TNRC18: variants seen among roughly 807,000 people sequenced by gnomAD.
TNRC18 encodes trinucleotide repeat containing 18, also known as trinucleotide repeat-containing gene 18 protein.
Under a neutral mutation model 226.7 loss-of-function variants are expected in TNRC18, and 69 were observed. The ratio of observed to expected loss-of-function variants is 0.30; its 90% CI spans 0.25 to 0.37. TNRC18 has a LOEUF of 0.37. TNRC18 is among the 10% of genes least tolerant of loss of function. The pLI, the probability that TNRC18 is intolerant of heterozygous loss-of-function variation, is 1.00. For synonymous variants in TNRC18, 2,449 were observed against 1,927.6 expected, an observed-to-expected ratio of 1.27 and a Z score of -7.09; for missense variants, 4,754 against 4,256.6, an observed-to-expected ratio of 1.12 and a Z score of -3.25.
chr7:5,354,767 C>G (rs1191335950), intron 16 of TNRC18, among the ~76,000 whole-genome samples: 1 of 152,176 alleles, frequency 6.6e-6, no homozygotes, highest in East Asian at 1.9e-4. Context: ...AAACTAGCAG[C>G]TTAATTCCGT....
At chr7:5,414,799 A>T (rs1782071285) in intron 2 of TNRC18, among the ~76,000 whole-genome samples, 1 of 152,200 alleles carries the variant, frequency 6.6e-6, no homozygotes, top group African/African-American at 2.4e-5. Flanking sequence ...CCTAACAGTG[A>T]TCTGATACTA....
Position 5,394,590 on chromosome 7 carries a change from C to T in TNRC18, c.193G>A (p.Ala65Thr). 6 of 1,545,786 alleles carry T rather than the reference C, an allele frequency of 3.9e-6. No individual in the cohort carries two copies. Among genetic ancestry groups the T allele is most frequent in the Admixed American group, 2.0e-5 (1 of 48,948 alleles). ...GLNLHPHPGE[A>T]FLGSFVASGM... ...CTGGCCACAAAGCTGCCCAAGAAGG[C>T]CTCGCCTGCAGAGAGAAGTTGGGAG... Residue 65 changes from alanine to threonine, a missense_variant, in exon 3 of 30, where the codon GCC becomes ACC. Physicochemically the swap from Ala to Thr is moderately conservative, Grantham distance 58. Coordinates refer to ENST00000430969, the MANE Select transcript of TNRC18 (RefSeq NM_001080495.3). This position sits in a 1 kb window ranked among gnomAD's most constrained non-coding sequence, Gnocchi z 4.5.
chr7:5,392,963 G>A (rs1584046815), intron 3 of TNRC18, among the ~76,000 whole-genome samples: 1 of 152,116 alleles, frequency 6.6e-6, no homozygotes, highest in Non-Finnish European at 1.5e-5. Context: ...AGTGAGCTGA[G>A]ATTGCACCAC....
chr7:5,415,886 C>A (rs2128221946), intron 2 of TNRC18, among the ~76,000 whole-genome samples: 1 of 150,014 alleles, frequency 6.7e-6, no homozygotes, highest in East Asian at 2.0e-4. Context: ...GTGGGTGGAT[C>A]ACCTGAGGCC....
rs768337574 is a variant in TNRC18 at position 5,332,711 on chromosome 7, C to T, written c.6058G>A (p.Ala2020Thr). ...AAPAPVSTAP[A>T]TKTSRCAKGG... is the part of the protein sequence containing the mutation. ...TTGGCGCAGCGGCTGGTCTTGGTGG[C>T]GGGCGCGGTGCTGACGGGCGCAGGT... The change falls in exon 19 of 30, where the codon GCC becomes ACC. Residue 2020 changes from alanine (A) to threonine (T), a missense_variant. By Grantham distance (58) the Ala-to-Thr change is moderately conservative (BLOSUM62 0). Transcript: ENST00000430969. The T allele has an allele frequency of 4.7e-5, 72 of 1,527,694 alleles. No individual in the cohort carries two copies. The African/African-American group carries it at 5.1e-4, about 11-fold the overall frequency. The allele number at this position is 1,527,694 out of a possible 1,614,324, so 94.6% of individuals were successfully genotyped here.
chr7:5,372,270 G>A (rs1406775231), intron 10 of TNRC18, among the ~76,000 whole-genome samples: 1 of 151,330 alleles, frequency 6.6e-6, no homozygotes, highest in Non-Finnish European at 1.5e-5. Context: ...GTAGAGATGG[G>A]GTTTCACCAT....
rs1794026479 is a variant in TNRC18 at position 5,370,371 on chromosome 7, T to C, written c.4219+4A>G. 1.3e-6 allele frequency: 2 copies of C among 1,540,800 alleles called. No homozygotes were observed. The highest frequency in any genetic ancestry group is 1.8e-6 in the Non-Finnish European group (2 of 1,142,580). ...TGCAGAACTCAGAGGTCGCGCACTC[T>C]CACCTCCCATCTCTTGGCTCCTCCT... On this transcript the variant is annotated splice_donor_region_variant and intron_variant, in intron 11 of 29. Transcript: ENST00000430969.
At chr7:5,336,191 A>T (rs2128131028) in intron 18 of TNRC18, among the ~76,000 whole-genome samples, 1 of 151,268 alleles carries the variant, frequency 6.6e-6, no homozygotes, top group East Asian at 1.9e-4. Flanking sequence ...TGGGCAACAG[A>T]GCGAGACTCT....
At chr7:5,373,694 G>GA (rs1794368325) in intron 10 of TNRC18, among the ~76,000 whole-genome samples, 1 of 152,186 alleles carries the variant, frequency 6.6e-6, no homozygotes, top group Non-Finnish European at 1.5e-5. Context: ...AGAACGGGGG[G>GA]AAAGCTGCCC....
Position 5,376,030 on chromosome 7 carries a change from T to C in TNRC18, c.2799+4A>G, listed in dbSNP as rs1794640197. ...GGAGCTGCGCCTCATCCTCCCCGAC[T>C]TACCACGAGCTGGGCGCTCCTCTGC... On this transcript the variant is annotated splice_donor_region_variant and intron_variant, in intron 9 of 29. Coordinates refer to ENST00000430969, the MANE Select transcript of TNRC18 (RefSeq NM_001080495.3). 1.9e-6 allele frequency: 3 copies of C among 1,588,598 alleles called. No homozygotes were observed. Among genetic ancestry groups the C allele is most frequent in the Admixed American group, 1.8e-5 (1 of 56,696 alleles).
chr7:5,418,014 T>C (rs1562645754), intron 2 of TNRC18, among the ~76,000 whole-genome samples: 2 of 151,696 alleles, frequency 1.3e-5, no homozygotes. Flanking sequence ...CAAGCCAGAG[T>C]GCAGGGTCTC....
At position 5,325,322 on chromosome 7, in the gene TNRC18, T is replaced by C. The variant is rs1788787679; in HGVS notation, c.6148-74A>G. On this transcript the variant is annotated intron_variant, in intron 19 of 29. Transcript: ENST00000430969. Reference sequence around the variant, plus strand: ...CAGGCAGCACCCCTGTCCCCCTCACTCACTCACCCCCAAGTTCTGTGCCAC... The same window carrying C: ...CAGGCAGCACCCCTGTCCCCCTCACCCACTCACCCCCAAGTTCTGTGCCAC... 3 of 1,500,964 alleles carry C rather than the reference T, an allele frequency of 2.0e-6. No homozygotes were observed. In the African/African-American group the frequency reaches 4.2e-5, roughly 21 times the overall value. The allele number at this position is 1,500,964 out of a possible 1,614,324, so 93.0% of individuals were successfully genotyped here.
intron 17 of TNRC18, among the ~76,000 whole-genome samples, chr7:5,349,692 G>A (rs936870537): frequency 2.6e-5 from 4 of 152,260 alleles, no homozygotes; most frequent in Admixed American, 1.3e-4. Flanking sequence ...AGAGTGCAGC[G>A]TGAGAGCAAA....
At position 5,362,048 on chromosome 7, in the gene TNRC18, G is replaced by C. The variant is rs190369166; in HGVS notation, c.4396-15C>G. 32 of 1,610,892 alleles carry C rather than the reference G, an allele frequency of 2.0e-5. 1 individual carries two copies. In the East Asian group the frequency reaches 6.9e-4, roughly 35 times the overall value. ...ATGGCATACATCTGGGGGAAGAACC[G>C]GGAGAGGAGGAGGGGGTGAGGATGC... On this transcript the variant is annotated splice_polypyrimidine_tract_variant and intron_variant, in intron 12 of 29. Transcript: ENST00000430969.
rs1221462426 is a variant in TNRC18, at chr7:5,351,927, G to A, written c.5362C>T (p.Leu1788=). Residue 1788 remains leucine, a synonymous_variant, in exon 17 of 30, where the codon CTG becomes TTG. Transcript: ENST00000430969. The part of the protein sequence containing the change: ...TKRGLAAPRT[L]KPKPATSRKQ... ...CTGCTGGTGGCCGGCTTGGGTTTCA[G>A]AGTCCGGGGGGCCGCCAGGCCCCTC... is the stretch of plus-strand genomic sequence containing the variant. The A allele has an allele frequency of 1.6e-5, 26 of 1,613,668 alleles. No individual in the cohort carries two copies. In the East Asian group the frequency reaches 5.6e-4, roughly 35 times the overall value.
At chr7:5,402,639 A>AG (rs1204231326) in intron 2 of TNRC18, among the ~76,000 whole-genome samples, 1 of 152,130 alleles carries the variant, frequency 6.6e-6, no homozygotes, top group Admixed American at 6.6e-5. Flanking sequence ...AGATCACCTG[A>AG]GGTCAAGAGT....
chr7:5,402,178 CAAAAAAAAAA>C (rs35794476), intron 2 of TNRC18, among the ~76,000 whole-genome samples: 2 of 71,330 alleles, frequency 2.8e-5, no homozygotes, highest in South Asian at 9.1e-4. Flanking sequence ...GACTCTGTCT[CAAAAAAAAAA>C]AAAAAAAAAA....
intron 25 of TNRC18, 132 bp from the exon 26 acceptor site, chr7:5,315,280 G>A (rs1416049930): frequency 7.3e-6 from 7 of 961,184 alleles, no homozygotes; most frequent in South Asian, 1.8e-5. Context: ...CCCCGGATGG[G>A]CTCCCATGAC....
intron 18 of TNRC18, among the ~76,000 whole-genome samples, chr7:5,334,350 G>A (rs1049693016): frequency 1.3e-5 from 2 of 151,808 alleles, no homozygotes; most frequent in East Asian, 1.9e-4. Flanking sequence ...AGGCTGGAGT[G>A]CAGTGGCGTG....
Sources: gnomAD v4.1 joint callset for allele counts (sites outside exome capture counted in the v4.1 genomes callset) on GRCh38, gnomAD v4.1.1 for gene constraint, Gnocchi (gnomAD v3.1) non-coding constraint, MANE v1.5 for transcripts, NCBI Gene and HGNC (gene_info 2026-07-23, HGNC 2026-07-21) for gene names.